The following ZBTB20 variants were observed in gnomAD, a reference collection of about 807,000 sequenced individuals.
The protein encoded by ZBTB20 is zinc finger and BTB domain-containing protein 20.
ZBTB20 carries 9 observed loss-of-function variants against 56.9 expected under a neutral mutation model. The ratio of observed to expected loss-of-function variants is 0.16; its 90% CI spans 0.10 to 0.28. The LOEUF (loss-of-function observed/expected upper bound fraction) is 0.28, where lower values mean the gene tolerates loss of function less well. Ranked by LOEUF, ZBTB20 falls within the 10% of genes least tolerant of loss-of-function variation. ZBTB20 has a pLI of 1.00. For synonymous variants in ZBTB20, 417 were observed against 420.7 expected, an observed-to-expected ratio of 0.99 and a Z score of 0.11; for missense variants, 655 against 1,003.0, an observed-to-expected ratio of 0.65 and a Z score of 4.69.
At chr3:114,855,900 T>C (rs2075229512) in intron 4 of ZBTB20, among the ~76,000 whole-genome samples, 1 of 152,042 alleles carries the variant, frequency 6.6e-6, no homozygotes, top group Non-Finnish European at 1.5e-5. Flanking sequence ...AACAGAAAAA[T>C]AGCAGCTTCA....
At chr3:115,139,554 T>C (rs1349084897) in intron 1 of ZBTB20, among the ~76,000 whole-genome samples, 10 of 152,090 alleles carry the variant, frequency 6.6e-5, no homozygotes, top group Non-Finnish European at 1.5e-4. Context: ...AAAAACTAAA[T>C]GCAGTAGTTA....
At position 114,896,295 on chromosome 3, in the gene ZBTB20, C is replaced by T. The variant is rs566856551; in HGVS notation, c.-417+4009G>A. Among the ~76,000 whole-genome samples the T allele has an allele frequency of 3.9e-5, 6 of 152,214 alleles. No homozygotes were observed. In the East Asian group the frequency reaches 9.6e-4, roughly 24 times the overall value. ...GCAGGTTCTCAGAGAGATAGTTGTACACCTATATTCATAGCCAAATTGTTC... is the reference window on the plus strand; with the variant it reads ...GCAGGTTCTCAGAGAGATAGTTGTATACCTATATTCATAGCCAAATTGTTC... On this transcript the variant is annotated intron_variant, in intron 4 of 11. Transcript: ENST00000675478.
intron 6 of ZBTB20, among the ~76,000 whole-genome samples, chr3:114,678,854 C>G (rs953374182): frequency 6.6e-6 from 1 of 152,012 alleles, no homozygotes; most frequent in African/African-American, 2.4e-5. Context: ...AACAAAAATG[C>G]AAAGAACAAC....
chr3:114,498,314 T>G (rs557306052), intron 7 of ZBTB20, among the ~76,000 whole-genome samples: 1 of 152,314 alleles, frequency 6.6e-6, no homozygotes, highest in Non-Finnish European at 1.5e-5. Flanking sequence ...AAATACAGAT[T>G]GTGATACTGG....
intron 6 of ZBTB20, among the ~76,000 whole-genome samples, chr3:114,576,906 ATTAG>A (rs1025845812): frequency 2.6e-5 from 4 of 152,126 alleles, no homozygotes; most frequent in East Asian, 1.9e-4. Flanking sequence ...TAAAACGAAT[ATTAG>A]TTAATTTAAT....
intron 1 of ZBTB20, among the ~76,000 whole-genome samples, chr3:115,117,146 T>C (rs573914609): frequency 5.9e-5 from 9 of 152,248 alleles, no homozygotes; most frequent in Non-Finnish European, 1.0e-4. Context: ...TCTTTGATTA[T>C]TTATACTAAC....
intron 10 of ZBTB20, among the ~76,000 whole-genome samples, chr3:114,355,403 G>A (rs2081143335): frequency 6.6e-6 from 1 of 152,026 alleles, no homozygotes; most frequent in Non-Finnish European, 1.5e-5. Context: ...ATATCTCCCT[G>A]AGTACACTGG....
At chr3:114,853,468 C>A (rs747377140) in intron 4 of ZBTB20, among the ~76,000 whole-genome samples, 5 of 152,186 alleles carry the variant, frequency 3.3e-5, no homozygotes, top group Non-Finnish European at 5.9e-5. Flanking sequence ...GACAGTGTTG[C>A]ATTTAGTTTT....
rs114425890 is a variant in ZBTB20, at chr3:114,618,382, C to T, written c.-295+75146G>A. ...AGGGATCCTCCCATCTCAGCCTCCT[C>T]GGTAGCTGGGACTACAGGCATGTGC... On this transcript the variant is annotated intron_variant, in intron 6 of 11. Coordinates refer to ENST00000675478, the MANE Select transcript of ZBTB20 (RefSeq NM_001348800.3). Among the ~76,000 whole-genome samples the T allele has an allele frequency of 5.9e-3, 887 of 151,394 alleles. 5 individuals carry two copies. Among genetic ancestry groups the T allele is most frequent in the Non-Finnish European group, 9.1e-3 (616 of 67,784 alleles).
intron 5 of ZBTB20, among the ~76,000 whole-genome samples, chr3:114,760,550 G>A (rs1217246462): frequency 2.0e-5 from 3 of 152,080 alleles, no homozygotes. Flanking sequence ...TAGAAAAGAT[G>A]GGATTTAATA....
Position 114,368,079 on chromosome 3 carries a change from C to T in ZBTB20, c.199+12138G>A, listed in dbSNP as rs201930557. Among the ~76,000 whole-genome samples the T allele has an allele frequency of 3.4e-4, 52 of 152,288 alleles. No homozygotes were observed. In the East Asian group the frequency reaches 8.9e-3, roughly 26 times the overall value. ...AAACTGTAGCCGACACTCAAATTCA[C>T]GGAGCGCTGGCTGTTTTTCTGGTGC... On this transcript the variant is annotated intron_variant, in intron 10 of 11. Transcript: ENST00000675478.
intron 5 of ZBTB20, among the ~76,000 whole-genome samples, chr3:114,696,305 T>G (rs1336657539): frequency 6.6e-6 from 1 of 152,078 alleles, no homozygotes; most frequent in African/African-American, 2.4e-5. Flanking sequence ...AGAAGTAAAG[T>G]ATGATCTTAA....
intron 3 of ZBTB20, among the ~76,000 whole-genome samples, chr3:114,936,259 TGCACACATGCATGCAC>T (rs1452544367): frequency 1.3e-5 from 2 of 152,198 alleles, no homozygotes; most frequent in African/African-American, 2.4e-5. Context: ...CACTGATGCA[TGCACACATGCATGCAC>T]GCACACATGC....
chr3:115,078,613 G>GTGTATA (rs769630983), intron 1 of ZBTB20, among the ~76,000 whole-genome samples: 3,853 of 137,644 alleles, frequency 0.028, 172 homozygotes, highest in African/African-American at 0.09. Context: ...GTGTGTGTGT[G>GTGTATA]TATATATATA....
intron 3 of ZBTB20, among the ~76,000 whole-genome samples, chr3:114,910,978 C>T (rs2075512836): frequency 6.6e-6 from 1 of 152,026 alleles, no homozygotes; most frequent in South Asian, 2.1e-4. Context: ...ATGTCTTTCA[C>T]AAAATTTGGG....
chr3:114,351,930 G>A, intron 10 of ZBTB20, 52 bp from the exon 11 acceptor site: 1 of 1,549,528 alleles, frequency 6.5e-7, no homozygotes, highest in South Asian at 1.2e-5. Flanking sequence ...GATCTAGCTG[G>A]TTGCATTCCT....
intron 1 of ZBTB20, among the ~76,000 whole-genome samples, chr3:115,080,768 G>A (rs926105986): frequency 6.6e-6 from 1 of 152,072 alleles, no homozygotes; most frequent in Admixed American, 6.5e-5. Flanking sequence ...ATGCCATCAG[G>A]GATTTTCTTT....
intron 5 of ZBTB20, among the ~76,000 whole-genome samples, chr3:114,703,895 A>T (rs1443042730): frequency 2.6e-5 from 4 of 152,194 alleles, no homozygotes; most frequent in African/African-American, 9.7e-5. Context: ...TGCAAATCAC[A>T]GCCTGTGGAC....
At chr3:114,702,006 T>C (rs1448026622) in intron 5 of ZBTB20, among the ~76,000 whole-genome samples, 1 of 152,174 alleles carries the variant, frequency 6.6e-6, no homozygotes, top group Non-Finnish European at 1.5e-5. Context: ...TGAAGATTTA[T>C]ATTAGGAGAA....
Sources: allele counts gnomAD v4.1 joint callset (sites outside exome capture counted in the v4.1 genomes callset), GRCh38; gene constraint gnomAD v4.1.1; transcripts MANE v1.5; gene names NCBI Gene and HGNC (gene_info 2026-07-23, HGNC 2026-07-21).